Variants in MGA observed in about 807,000 individuals in gnomAD.
MGA encodes the protein MAX gene-associated protein.
A neutral mutation model predicts 261.1 loss-of-function variants in MGA; 40 were observed. The ratio of observed to expected loss-of-function variants is 0.15; its 90% CI spans 0.12 to 0.20. The LOEUF (loss-of-function observed/expected upper bound fraction) is 0.20, where lower values mean the gene tolerates loss of function less well. MGA is among the 10% of genes least tolerant of loss of function. The pLI is 1.00. For synonymous variants in MGA, 1,302 were observed against 1,290.6 expected (o/e 1.01, Z -0.19); for missense variants, 3,397 against 3,630.5 (o/e 0.94, Z 1.65).
chr15:41,635,595 C>G (rs1364497525), intron 1 of MGA, among the ~76,000 whole-genome samples: 6 of 151,866 alleles, frequency 4.0e-5, no homozygotes, highest in Admixed American at 3.9e-4. Context: ...ACGTGGGAGG[C>G]TGAGGTGAGT....
At position 41,750,078 on chromosome 15, in the gene MGA, G is replaced by A. The variant is rs144122417; in HGVS notation, c.6471G>A (p.Glu2157=). 2 of 1,613,224 alleles carry A rather than the reference G, an allele frequency of 1.2e-6. No individual in the cohort carries two copies. The highest frequency in any genetic ancestry group is 1.7e-6 in the Non-Finnish European group (2 of 1,179,678). The change falls in exon 17 of 24, where the codon GAG becomes GAA. Residue 2157 remains glutamate, a synonymous_variant. Transcript: ENST00000219905. ...AGCAGCAATCTAATCTACAGCCAGA[G>A]GCCAAAGAGAAGGAATGTGGAGACT...
chr15:41,690,351 T>TA (rs1184269051), intron 2 of MGA, among the ~76,000 whole-genome samples: 8 of 152,240 alleles, frequency 5.3e-5, no homozygotes, highest in African/African-American at 1.9e-4. Context: ...AGTAAGGTTT[T>TA]TAGTTTTTGG....
At chr15:41,634,548 T>C (rs1012200842) in intron 1 of MGA, among the ~76,000 whole-genome samples, 4 of 152,236 alleles carry the variant, frequency 2.6e-5, no homozygotes, top group Non-Finnish European at 5.9e-5. Flanking sequence ...ACATGTTTTA[T>C]CTTCTGTGCC....
intron 17 of MGA, among the ~76,000 whole-genome samples, chr15:41,753,848 A>G: frequency 6.6e-6 from 1 of 152,228 alleles, no homozygotes; most frequent in East Asian, 1.9e-4. Context: ...TTTGTCCACT[A>G]GAAATAACAC....
Position 41,729,184 on chromosome 15 carries a change from T to A in MGA, c.3678T>A (p.Asp1226Glu). ...TACAGATTCGGGAAGAGGACAAAGA[T>A]CCAGTCTACTTGTACTTTGAAAGTA... Residue 1226 changes from aspartate to glutamate, a missense_variant, in exon 11 of 24, where the codon GAT (aspartate) becomes GAA (glutamate). By Grantham distance (45) the Asp-to-Glu change is conservative (BLOSUM62 2). Coordinates refer to ENST00000219905, the MANE Select transcript of MGA (RefSeq NM_001164273.2). The A allele has an allele frequency of 6.2e-7, 1 of 1,613,756 alleles. No homozygotes were observed. The highest frequency in any genetic ancestry group is 8.5e-7 in the Non-Finnish European group (1 of 1,179,800).
At chr15:41,692,836 C>G (rs1270151151) in intron 2 of MGA, among the ~76,000 whole-genome samples, 1 of 152,066 alleles carries the variant, frequency 6.6e-6, no homozygotes, top group African/African-American at 2.4e-5. Context: ...CTCAGCCTCC[C>G]GAGTAGCTGG....
At chr15:41,715,230 A>G (rs186721148) in intron 9 of MGA, among the ~76,000 whole-genome samples, 4,939 of 149,800 alleles carry the variant, frequency 0.033, 138 homozygotes, top group African/African-American at 0.07. Context: ...GCTCACTGCA[A>G]CCTCCACCTC....
Position 41,766,326 on chromosome 15 carries a change from T to A in MGA, c.8244T>A (p.Ser2748=), listed in dbSNP as rs558151367. Residue 2748 remains serine, a synonymous_variant, in exon 24 of 24, where the codon TCT becomes TCA. Transcript: ENST00000219905. Reference sequence around the variant, plus strand: ...AAGAGTTCTTACCTAAAAAGATTTCTGGTGATATGAGAGGGATTCAGTATA... The same window carrying A: ...AAGAGTTCTTACCTAAAAAGATTTCAGGTGATATGAGAGGGATTCAGTATA... 1.2e-6 allele frequency: 2 copies of A among 1,613,898 alleles called. No individual in the cohort carries two copies. Among genetic ancestry groups the A allele is most frequent in the East Asian group, 2.2e-5 (1 of 44,890 alleles).
At chr15:41,646,576 G>A (rs1172885799) in intron 1 of MGA, among the ~76,000 whole-genome samples, 3 of 151,972 alleles carry the variant, frequency 2.0e-5, no homozygotes, top group African/African-American at 7.3e-5. Flanking sequence ...ACCCACCTTG[G>A]CCTCCCAAAG....
intron 5 of MGA, among the ~76,000 whole-genome samples, chr15:41,701,279 AATATT>A (rs1331460825): frequency 6.6e-6 from 1 of 151,974 alleles, no homozygotes; most frequent in African/African-American, 2.4e-5. Flanking sequence ...ATAATGTAGA[AATATT>A]ATGACATTTA....
chr15:41,658,776 C>A (rs559499536), upstream of MGA, among the ~76,000 whole-genome samples: 7 of 150,168 alleles, frequency 4.7e-5, no homozygotes, highest in Non-Finnish European at 8.9e-5. Context: ...GGAAGGAGTA[C>A]CAAAAGAGAA....
At position 41,743,210 on chromosome 15, in the gene MGA, T is replaced by A. The variant is rs762947758; in HGVS notation, c.5212+38T>A. On this transcript the variant is annotated intron_variant, in intron 15 of 23. Transcript: ENST00000219905. ...TGTTACTAGCTGCTTTATTTTACTG[T>A]ACACCTATTTATATAACTTTGTGGT... 3.9e-6 allele frequency: 6 copies of A among 1,539,008 alleles called. No individual in the cohort carries two copies. The Admixed American group carries it at 1.2e-4, about 31-fold the overall frequency.
intron 2 of MGA, among the ~76,000 whole-genome samples, chr15:41,678,967 A>G (rs531371109): frequency 1.6e-4 from 25 of 152,188 alleles, no homozygotes; most frequent in Non-Finnish European, 3.4e-4. Context: ...GGGCAGTGTG[A>G]GACCACCAAC....
intron 22 of MGA, among the ~76,000 whole-genome samples, chr15:41,764,252 ATTTTT>A (rs71108132): frequency 2.1e-4 from 23 of 109,726 alleles, no homozygotes; most frequent in African/African-American, 5.7e-4. Flanking sequence ...TGGTGTGGGT[ATTTTT>A]TTTTTTTTTT....
intron 2 of MGA, among the ~76,000 whole-genome samples, chr15:41,676,442 C>T (rs924593398): frequency 1.3e-5 from 2 of 152,226 alleles, no homozygotes; most frequent in African/African-American, 4.8e-5. Flanking sequence ...GCGTGAGCCA[C>T]CGTGCCTGGC....
In MGA at chr15:41,668,847, C is replaced by T. The variant is rs771831339; in HGVS notation, c.-48C>T. 20 of 1,379,910 alleles carry T rather than the reference C, an allele frequency of 1.4e-5. No individual in the cohort carries two copies. In the East Asian group the frequency reaches 4.2e-4, roughly 29 times the overall value. The allele number at this position is 1,379,910 out of a possible 1,614,324, so 85.5% of individuals were successfully genotyped here. A position where few individuals can be genotyped will look rare whatever the true frequency, so the allele number is the denominator to read the frequency against. The stretch of plus-strand genomic sequence containing the variant: ...TCTTAGGATGGGAAGGCCATTGTGA[C>T]TATGTGGTGATTACAGTTGTCTTAC... On this transcript the variant is annotated 5_prime_UTR_variant, in exon 2 of 24. Coordinates refer to ENST00000219905, the MANE Select transcript of MGA (RefSeq NM_001164273.2).
chr15:41,755,279 A>G (rs999545947), intron 18 of MGA, among the ~76,000 whole-genome samples: 2 of 152,226 alleles, frequency 1.3e-5, no homozygotes, highest in African/African-American at 4.8e-5. Context: ...CTATGAGTTG[A>G]GAAAGAATAA....
At chr15:41,728,440 A>G (rs1233027867) in intron 10 of MGA, among the ~76,000 whole-genome samples, 2 of 152,200 alleles carry the variant, frequency 1.3e-5, no homozygotes, top group African/African-American at 4.8e-5. Context: ...AACTCTTAAT[A>G]GTGTACTGTT....
At chr15:41,715,032 T>G (rs1310685025) in intron 9 of MGA, among the ~76,000 whole-genome samples, 1 of 152,198 alleles carries the variant, frequency 6.6e-6, no homozygotes. Context: ...TTTTGTAATT[T>G]ACATTTTCGT....
Sources: allele counts gnomAD v4.1 joint callset (sites outside exome capture counted in the v4.1 genomes callset), GRCh38; gene constraint gnomAD v4.1.1; transcripts MANE v1.5; gene names NCBI Gene and HGNC (gene_info 2026-07-23, HGNC 2026-07-21).